The following PDS5A variants were observed in gnomAD, a reference collection of about 807,000 sequenced individuals.
PDS5A encodes the protein sister chromatid cohesion protein PDS5 homolog A.
In PDS5A, 42 loss-of-function variants were observed where a neutral mutation model predicts 167.1. The ratio of observed to expected loss-of-function variants is 0.25; its 90% confidence interval spans 0.20 to 0.33. The LOEUF (loss-of-function observed/expected upper bound fraction) is 0.33. Ranked by LOEUF, PDS5A falls within the 10% of genes least tolerant of loss-of-function variation. PDS5A has a pLI of 1.00. For missense variants in PDS5A, 1,033 were observed against 1,605.9 expected (o/e 0.64, Z 6.10); for synonymous variants, 553 against 554.6 (o/e 1.00, Z 0.04).
chr4:39,960,642 C>G (rs1332453286), intron 2 of PDS5A, among the ~76,000 whole-genome samples: 1 of 151,948 alleles, frequency 6.6e-6, no homozygotes, highest in Non-Finnish European at 1.5e-5. Flanking sequence ...GATACTCCCA[C>G]CTCAGCCTCC....
At position 39,902,378 on chromosome 4, in the gene PDS5A, A is replaced by C. The variant is rs1722954120; in HGVS notation, c.1468T>G (p.Leu490Val). The change falls in exon 13 of 33, where the codon TTA (leucine) becomes GTA (valine). Residue 490 changes from leucine to valine, a missense_variant. By Grantham distance (32) the Leu-to-Val change is conservative. Around this residue, in one of 4 missense-constraint regions of PDS5A, gnomAD observed 388 missense variants for 615.1 expected, o/e 0.63. Transcript: ENST00000303538. ...GCATTTGGATCCAAACTAGCATATA[A>C]GTAATATAAGCATTTCATTCTCTCT... ...TEERMKCLYY[L>V]YASLDPNAVK... The C allele has an allele frequency of 6.4e-7, 1 of 1,564,820 alleles. No homozygotes were observed. Among genetic ancestry groups the C allele is most frequent in the Non-Finnish European group, 8.8e-7 (1 of 1,140,184 alleles).
At chr4:39,943,973 T>C (rs977770392) in intron 2 of PDS5A, among the ~76,000 whole-genome samples, 1 of 151,690 alleles carries the variant, frequency 6.6e-6, no homozygotes, top group South Asian at 2.1e-4. Flanking sequence ...GTCAGGAGAT[T>C]GAAACCATCC....
intron 5 of PDS5A, among the ~76,000 whole-genome samples, chr4:39,923,760 T>C (rs1349875658): frequency 2.6e-5 from 4 of 151,948 alleles, no homozygotes; most frequent in African/African-American, 9.7e-5. Flanking sequence ...CAAAAAAGTA[T>C]ACAATAATAA....
At chr4:39,831,860 G>A (rs959281834) in intron 32 of PDS5A, among the ~76,000 whole-genome samples, 1 of 83,682 alleles carries the variant, frequency 1.2e-5, no homozygotes, top group African/African-American at 4.6e-5. Context: ...TAGGCAACAA[G>A]AGCGAAACTC....
intron 28 of PDS5A, chr4:39,846,414 C>T (rs1484224179): frequency 6.6e-6 from 1 of 152,290 alleles, no homozygotes; most frequent in Non-Finnish European, 1.5e-5. Flanking sequence ...AGGAGAATCG[C>T]TTGAACTCGG....
intron 17 of PDS5A, among the ~76,000 whole-genome samples, chr4:39,887,614 A>G (rs1235724966): frequency 6.6e-6 from 1 of 152,204 alleles, no homozygotes; most frequent in Non-Finnish European, 1.5e-5. Context: ...AGTGGATGAA[A>G]CTACTAGCAG....
intron 2 of PDS5A, among the ~76,000 whole-genome samples, chr4:39,946,339 G>A (rs879661782): frequency 6.6e-6 from 1 of 151,984 alleles, no homozygotes; most frequent in Non-Finnish European, 1.5e-5. Context: ...AAAATCAACA[G>A]TAAGTATAGG....
chr4:39,934,141 C>T (rs1259411353), intron 2 of PDS5A, among the ~76,000 whole-genome samples: 4 of 152,196 alleles, frequency 2.6e-5, no homozygotes, highest in Non-Finnish European at 5.9e-5. Context: ...CACTGGATTA[C>T]GGCTAAACGT....
intron 5 of PDS5A, among the ~76,000 whole-genome samples, chr4:39,924,041 T>C (rs1269649076): frequency 6.6e-6 from 1 of 152,088 alleles, no homozygotes; most frequent in Non-Finnish European, 1.5e-5. Context: ...AAGCATAAAA[T>C]ATAAGGCCAA....
In PDS5A at chr4:39,893,229, G is replaced by A. The variant is rs188968284; in HGVS notation, c.1771-2865C>T. Reference sequence around the variant, plus strand: ...GGCAAGTATGTGGTCCTTCTCTAGGGTCAAGGTGTAGAAACCTAAAACCTG... The same window carrying A: ...GGCAAGTATGTGGTCCTTCTCTAGGATCAAGGTGTAGAAACCTAAAACCTG... On this transcript the variant is annotated intron_variant, in intron 16 of 32. Transcript: ENST00000303538. 3.4e-4 allele frequency among the ~76,000 whole-genome samples: 52 copies of A among 152,292 alleles called. No homozygotes were observed. The East Asian group carries it at 9.4e-3, about 28-fold the overall frequency.
intron 27 of PDS5A, 84 bp from the exon 28 acceptor site, chr4:39,849,054 G>A: frequency 1.0e-6 from 1 of 963,412 alleles, no homozygotes; most frequent in Non-Finnish European, 1.5e-6. Context: ...ATAATTTAGA[G>A]TTAAAAGAAG....
At chr4:39,898,015 G>A in intron 16 of PDS5A, 1 of 954,354 alleles carries the variant, frequency 1.0e-6, no homozygotes, top group Non-Finnish European at 1.3e-6. Context: ...CCAGATATAT[G>A]GCAATGTTAC....
intron 32 of PDS5A, among the ~76,000 whole-genome samples, chr4:39,826,169 C>T (rs1465120865): frequency 2.7e-5 from 4 of 148,146 alleles, no homozygotes; most frequent in Non-Finnish European, 4.5e-5. Context: ...AAAAACATCC[C>T]AACCAAACTG....
Position 39,845,803 on chromosome 4 carries a change from T to C in PDS5A, c.3402+15A>G. The C allele has an allele frequency of 2.2e-6, 3 of 1,393,744 alleles. No homozygotes were observed. The highest frequency in any genetic ancestry group is 2.8e-6 in the Non-Finnish European group (3 of 1,068,624). The allele number at this position is 1,393,744 out of a possible 1,614,324, so 86.3% of individuals were successfully genotyped here. A position where few individuals can be genotyped will look rare whatever the true frequency, so the allele number is the denominator to read the frequency against. ...ACATGAAACAAAGATCTCAAAATTA[T>C]TAAGTAAATAATACCTTTCCTGTTA... On this transcript the variant is annotated intron_variant, in intron 29 of 32. Coordinates refer to ENST00000303538, the MANE Select transcript of PDS5A (RefSeq NM_001100399.2).
intron 11 of PDS5A, among the ~76,000 whole-genome samples, chr4:39,906,810 T>A (rs1019677620): frequency 6.6e-6 from 1 of 151,548 alleles, no homozygotes; most frequent in African/African-American, 2.4e-5. Context: ...AATACTTCTT[T>A]ATAAATTTTT....
intron 2 of PDS5A, among the ~76,000 whole-genome samples, chr4:39,950,866 C>A (rs893732839): frequency 6.6e-6 from 1 of 152,096 alleles, no homozygotes; most frequent in African/African-American, 2.4e-5. Flanking sequence ...GGTATTACTA[C>A]AGGTGGGAGC....
chr4:39,931,084 G>A (rs140333988), intron 2 of PDS5A, among the ~76,000 whole-genome samples: 31 of 152,222 alleles, frequency 2.0e-4, no homozygotes, highest in African/African-American at 7.5e-4. Context: ...AAGTCAGGAG[G>A]ATCGCTTGAG....
chr4:39,961,175 T>C lies in PDS5A; in HGVS notation c.138+15265A>G, dbSNP rs111737423. Among the ~76,000 whole-genome samples the C allele has an allele frequency of 8.8e-3, 1,345 of 152,318 alleles. 19 individuals are homozygous for C. Among genetic ancestry groups the C allele is most frequent in the African/African-American group, 0.031 (1,284 of 41,576 alleles). On this transcript the variant is annotated intron_variant, in intron 2 of 32. Coordinates refer to ENST00000303538, the MANE Select transcript of PDS5A (RefSeq NM_001100399.2). The stretch of plus-strand genomic sequence containing the variant: ...CAGGATTTCATATATTGTAACGAAC[T>C]GTAGAATTGATCCCTGAAAAGTATA...
At chr4:39,837,718 T>C in intron 32 of PDS5A, 138 bp downstream of exon 32, 1 of 622,716 alleles carries the variant, frequency 1.6e-6, no homozygotes, top group South Asian at 2.2e-5. Context: ...ACAGATGCTA[T>C]TATAAACGGA....
Sources: gnomAD v4.1 joint callset for allele counts (sites outside exome capture counted in the v4.1 genomes callset) on GRCh38, gnomAD v4.1.1 for gene constraint, gnomAD v4.1.1 regional missense constraint, MANE v1.5 for transcripts, NCBI Gene and HGNC (gene_info 2026-07-23, HGNC 2026-07-21) for gene names.